AGMO: variants seen among roughly 807,000 people sequenced by gnomAD.
The protein encoded by AGMO is alkylglycerol monooxygenase.
Under a neutral mutation model 60.2 loss-of-function variants are expected in AGMO, and 75 were observed. That is an observed-to-expected ratio of 1.25 (90% CI 1.03 to 1.51). AGMO has a LOEUF of 1.51. AGMO is among the 40% of genes most tolerant of loss of function. AGMO has a pLI of 0.00. For synonymous variants in AGMO, 261 were observed against 177.1 expected, an observed-to-expected ratio of 1.47 and a Z score of -3.76; for missense variants, 763 against 525.5, an observed-to-expected ratio of 1.45 and a Z score of -4.42.
intron 3 of AGMO, among the ~76,000 whole-genome samples, chr7:15,529,121 T>A (rs1466190075): frequency 1.3e-5 from 2 of 152,112 alleles, no homozygotes; most frequent in African/African-American, 2.4e-5. Flanking sequence ...GGGGGAATTC[T>A]TAAAATGCAC....
chr7:15,388,321 T>C (rs546430022), intron 8 of AGMO, among the ~76,000 whole-genome samples: 3 of 152,278 alleles, frequency 2.0e-5, no homozygotes, highest in African/African-American at 4.8e-5. Flanking sequence ...CGCCAAGCTC[T>C]AATTGGAAAA....
At chr7:15,427,624 T>C (rs1034391188) in intron 4 of AGMO, among the ~76,000 whole-genome samples, 4 of 152,220 alleles carry the variant, frequency 2.6e-5, no homozygotes, top group Non-Finnish European at 5.9e-5. Flanking sequence ...AAAATGAAGT[T>C]ATAATCCTGA....
intron 2 of AGMO, among the ~76,000 whole-genome samples, chr7:15,553,195 T>C (rs1402704428): frequency 1.3e-5 from 2 of 151,392 alleles, no homozygotes; most frequent in Non-Finnish European, 3.0e-5. Context: ...GGGGGAGGGA[T>C]AGCATTGGGA....
intron 3 of AGMO, among the ~76,000 whole-genome samples, chr7:15,532,982 C>T (rs147669734): frequency 1.1e-4 from 16 of 152,216 alleles, no homozygotes; most frequent in African/African-American, 3.9e-4. Flanking sequence ...CAGAGCAAAA[C>T]CCTGTCTCAA....
At chr7:15,265,540 A>G (rs1202897814) in intron 12 of AGMO, among the ~76,000 whole-genome samples, 1 of 152,094 alleles carries the variant, frequency 6.6e-6, no homozygotes, top group Non-Finnish European at 1.5e-5. Context: ...GATATTCAAA[A>G]TAACTGTCAC....
In AGMO at chr7:15,502,940, T is replaced by A. The variant is rs572533260; in HGVS notation, c.409+41832A>T. On this transcript the variant is annotated intron_variant, in intron 3 of 12. Transcript: ENST00000342526. ...TAATATAGACTCAAACTTAGGGACA[T>A]AGAACGATAATAAAAATGATTTCCC... 2.0e-5 allele frequency among the ~76,000 whole-genome samples: 3 copies of A among 152,078 alleles called. No homozygotes were observed. The South Asian group carries it at 6.2e-4, about 32-fold the overall frequency.
At chr7:15,372,552 GAAC>G (rs1198102214) in intron 10 of AGMO, among the ~76,000 whole-genome samples, 1 of 151,978 alleles carries the variant, frequency 6.6e-6, no homozygotes, top group Non-Finnish European at 1.5e-5. Context: ...GAGTAACCAA[GAAC>G]AACAAAATCC....
chr7:15,324,191 A>G (rs1781268009), intron 12 of AGMO, among the ~76,000 whole-genome samples: 1 of 152,148 alleles, frequency 6.6e-6, no homozygotes, highest in Non-Finnish European at 1.5e-5. Context: ...CCTTCAGACC[A>G]GGCTCTGCTC....
chr7:15,393,666 C>T (rs34935295), intron 6 of AGMO, among the ~76,000 whole-genome samples: 1 of 151,658 alleles, frequency 6.6e-6, no homozygotes, highest in Non-Finnish European at 1.5e-5. Flanking sequence ...GATTGTTCAA[C>T]GCCTTAGGCA....
chr7:15,547,335 A>G (rs1328793831), intron 2 of AGMO, among the ~76,000 whole-genome samples: 3 of 152,198 alleles, frequency 2.0e-5, no homozygotes, highest in Non-Finnish European at 2.9e-5. Context: ...AAATAGGAAC[A>G]GCTCCGGTCT....
intron 3 of AGMO, among the ~76,000 whole-genome samples, chr7:15,493,362 C>CACACACACACACA (rs71004386): frequency 2.0e-5 from 2 of 102,264 alleles, no homozygotes; most frequent in African/African-American, 8.0e-5. Flanking sequence ...CACACACACA[C>CACACACACACACA]TTCTTTTTTT....
chr7:15,190,939 G>C, the AGMO span, among the ~76,000 whole-genome samples: 113 of 151,998 alleles, frequency 7.4e-4, no homozygotes, highest in African/African-American at 2.5e-3. Context: ...TCTGTTCAGG[G>C]TCACACATCT....
At chr7:15,339,683 T>C (rs930305205) in intron 12 of AGMO, among the ~76,000 whole-genome samples, 6 of 152,172 alleles carry the variant, frequency 3.9e-5, no homozygotes, top group Admixed American at 2.6e-4. Flanking sequence ...CATCCCTGTA[T>C]GAAAATGATG....
At chr7:15,545,921 G>C (rs1784768283) in intron 2 of AGMO, among the ~76,000 whole-genome samples, 1 of 151,736 alleles carries the variant, frequency 6.6e-6, no homozygotes. Flanking sequence ...ATATTTATAA[G>C]TCATCAACAA....
intron 1 of AGMO, among the ~76,000 whole-genome samples, chr7:15,561,013 C>G (rs948831664): frequency 1.3e-5 from 2 of 152,078 alleles, no homozygotes; most frequent in African/African-American, 4.8e-5. Flanking sequence ...CATTTGGAAG[C>G]TAATCATGAG....
intron 12 of AGMO, among the ~76,000 whole-genome samples, chr7:15,226,768 G>T (rs1398038258): frequency 6.6e-6 from 1 of 151,970 alleles, no homozygotes; most frequent in African/African-American, 2.4e-5. Context: ...CTATTTCATG[G>T]GGACAACACT....
chr7:15,544,959 C>A (rs1370197866), intron 2 of AGMO, 36 bp from the exon 3 acceptor site: 1 of 1,390,482 alleles, frequency 7.2e-7, no homozygotes, highest in South Asian at 1.7e-5. Context: ...GATTATATAA[C>A]ATTTTAGAAA....
At chr7:15,355,504 C>CCAAAA (rs1168628657) in intron 12 of AGMO, among the ~76,000 whole-genome samples, 2 of 81,736 alleles carry the variant, frequency 2.4e-5, no homozygotes, top group East Asian at 3.9e-4. Flanking sequence ...GACTCTGTCT[C>CCAAAA]AAAAAAAAAA....
intron 4 of AGMO, among the ~76,000 whole-genome samples, chr7:15,425,976 T>C (rs1781051766): frequency 6.6e-6 from 1 of 152,192 alleles, no homozygotes; most frequent in South Asian, 2.1e-4. Context: ...ACTAAACTCT[T>C]TGAAAGCAGT....
Sources: gnomAD v4.1 joint callset for allele counts (sites outside exome capture counted in the v4.1 genomes callset) on GRCh38, gnomAD v4.1.1 for gene constraint, MANE v1.5 for transcripts, NCBI Gene and HGNC (gene_info 2026-07-23, HGNC 2026-07-21) for gene names.